Variants in CNTNAP4 observed in about 807,000 individuals in gnomAD.
CNTNAP4 encodes the protein contactin associated protein family member 4, also known as contactin-associated protein-like 4.
In CNTNAP4, 98 loss-of-function variants were observed where a neutral mutation model predicts 148.4. That is an observed-to-expected ratio of 0.66 (90% CI 0.56 to 0.78). The LOEUF is 0.78. Among genes scored for constraint, CNTNAP4 ranks in the 30% least tolerant of loss-of-function variants. The pLI is 0.00. For missense variants in CNTNAP4, 1,935 were observed against 1,565.6 expected (o/e 1.24, Z -3.98); for synonymous variants, 730 against 565.1 (o/e 1.29, Z -4.14).
At chr16:76,425,902 A>G (rs147404802) in intron 3 of CNTNAP4, among the ~76,000 whole-genome samples, 3 of 152,276 alleles carry the variant, frequency 2.0e-5, no homozygotes, top group African/African-American at 7.2e-5. Flanking sequence ...TTACCTCTAC[A>G]AGTGTTACTG....
chr16:76,286,285 C>G (rs558660926), intron 1 of CNTNAP4, among the ~76,000 whole-genome samples: 14 of 151,056 alleles, frequency 9.3e-5, no homozygotes, highest in Non-Finnish European at 1.5e-5. Context: ...AGCATTGCCC[C>G]TAGGTGGCAC....
chr16:76,542,062 T>C (rs11860222), intron 21 of CNTNAP4, among the ~76,000 whole-genome samples: 151,653 of 152,310 alleles, frequency 1, 75,500 homozygotes, highest in Middle Eastern at 1. Context: ...AGTCTTGTCC[T>C]CTGATGTATA....
At chr16:76,304,854 A>G (rs1960319958) in intron 1 of CNTNAP4, among the ~76,000 whole-genome samples, 1 of 152,174 alleles carries the variant, frequency 6.6e-6, no homozygotes, top group Non-Finnish European at 1.5e-5. Context: ...CTTAATCCCT[A>G]AAATCATTCA....
intron 4 of CNTNAP4, among the ~76,000 whole-genome samples, chr16:76,442,780 A>G (rs576628186): frequency 6.6e-6 from 1 of 152,222 alleles, no homozygotes; most frequent in African/African-American, 2.4e-5. Context: ...AACCCTTTCC[A>G]CTGGGCCACA....
rs199816633 is a variant in CNTNAP4, at chr16:76,535,873, C to CA, written c.2995+97dup. ...TTCTTTTCTATGCAGCTATTTGAAA[C>CA]AAAAAAAATTCAATTTCTGAATTGC... On this transcript the variant is annotated intron_variant, in intron 18 of 23. Transcript: ENST00000611870. 9.7e-4 allele frequency: 1,361 copies of CA among 1,408,796 alleles called. 7 individuals are homozygous for CA. In the African/African-American group the frequency reaches 0.017, roughly 18 times the overall value. The allele number at this position is 1,408,796 out of a possible 1,614,324, so 87.3% of individuals were successfully genotyped here.
chr16:76,439,235 A>T (rs1342993713), intron 4 of CNTNAP4, among the ~76,000 whole-genome samples: 10 of 152,166 alleles, frequency 6.6e-5, no homozygotes, highest in African/African-American at 2.4e-4. Context: ...CATGATGTAA[A>T]TTGTATCATA....
chr16:76,321,364 C>T (rs1344174187), intron 2 of CNTNAP4, among the ~76,000 whole-genome samples: 2 of 152,144 alleles, frequency 1.3e-5, no homozygotes, highest in African/African-American at 4.8e-5. Context: ...AACTATTATG[C>T]TTCATTAAAT....
rs2083529746 is a variant in CNTNAP4, at chr16:76,522,707, TTTTC to T, written c.2755+454_2755+457del. The stretch of plus-strand genomic sequence containing the variant: ...CTCTCCTTTCTTTTCTTTTCTTTTC[TTTTC>T]TTTTCTTTTCTTTTCTTTTCTTTTC... On this transcript the variant is annotated intron_variant, in intron 17 of 23. Transcript: ENST00000611870. Among the ~76,000 whole-genome samples, 2 of 30,650 alleles carry T rather than the reference TTTTC, an allele frequency of 6.5e-5. 1 individual carries two copies. The highest frequency in any genetic ancestry group is 1.2e-4 in the Non-Finnish European group (2 of 17,112). 20.1% of individuals were successfully genotyped at this position (30,650 alleles called of 152,430 possible).
intron 23 of CNTNAP4, 41 bp downstream of exon 23, chr16:76,553,948 A>G (rs748455181): frequency 2.5e-6 from 3 of 1,196,622 alleles, no homozygotes; most frequent in Non-Finnish European, 3.7e-6. Context: ...GGTTGTTCTT[A>G]TTAATAATGA....
At chr16:76,367,672 C>T (rs141165323) in intron 3 of CNTNAP4, among the ~76,000 whole-genome samples, 2 of 152,260 alleles carry the variant, frequency 1.3e-5, no homozygotes, top group African/African-American at 4.8e-5. Flanking sequence ...AATAGATGTT[C>T]AGCTATCATG....
chr16:76,375,030 A>G (rs1439791948), intron 3 of CNTNAP4, among the ~76,000 whole-genome samples: 2 of 152,082 alleles, frequency 1.3e-5, no homozygotes, highest in African/African-American at 2.4e-5. Context: ...TGGCCTCCCA[A>G]AATGCTGGGA....
intron 1 of CNTNAP4, chr16:76,309,845 C>T (rs372798746): frequency 2.1e-5 from 15 of 700,752 alleles, no homozygotes; most frequent in East Asian, 8.1e-5. Context: ...TCCGCTTTTG[C>T]TGCTTCCTCA....
intron 3 of CNTNAP4, among the ~76,000 whole-genome samples, chr16:76,418,310 A>G (rs1393402846): frequency 2.1e-5 from 3 of 141,638 alleles, no homozygotes; most frequent in Non-Finnish European, 4.7e-5. Context: ...TTTCTATTAC[A>G]GGTTTTTTTC....
intron 3 of CNTNAP4, among the ~76,000 whole-genome samples, chr16:76,392,227 C>G (rs1191341261): frequency 1.3e-5 from 2 of 152,202 alleles, no homozygotes; most frequent in Non-Finnish European, 2.9e-5. Context: ...CTCCTGACCT[C>G]AAGTGATCTG....
At chr16:76,553,670 C>CT (rs1185821091) in intron 22 of CNTNAP4, among the ~76,000 whole-genome samples, 166 bp from the exon 23 acceptor site, 1 of 152,174 alleles carries the variant, frequency 6.6e-6, no homozygotes, top group African/African-American at 2.4e-5. Context: ...TGCTCAACTT[C>CT]TTATTTATGG....
rs888298179 is a variant in CNTNAP4, at chr16:76,489,291, T to A, written c.1883-395T>A. Among the ~76,000 whole-genome samples, 7 of 152,236 alleles carry A rather than the reference T, an allele frequency of 4.6e-5. No homozygotes were observed. The East Asian group carries it at 1.3e-3, about 29-fold the overall frequency. ...GTTGATGAATAATGTTTTGTAGTTA[T>A]AATAGGCAGCATTTTTCCTTTCTTG... On this transcript the variant is annotated intron_variant, in intron 12 of 23. Transcript: ENST00000611870.
intron 3 of CNTNAP4, among the ~76,000 whole-genome samples, chr16:76,379,681 A>G (rs759950692): frequency 8.5e-5 from 13 of 152,174 alleles, no homozygotes; most frequent in African/African-American, 1.7e-4. Flanking sequence ...CTGTGACACT[A>G]TCTTTTGAGT....
chr16:76,551,937 G>A (rs1307310031), intron 21 of CNTNAP4, among the ~76,000 whole-genome samples: 2 of 152,172 alleles, frequency 1.3e-5, no homozygotes, highest in African/African-American at 2.4e-5. Context: ...GAGAATAGTT[G>A]TATTAGTCCG....
intron 3 of CNTNAP4, among the ~76,000 whole-genome samples, chr16:76,356,848 A>G (rs528761351): frequency 1.8e-3 from 279 of 150,918 alleles, no homozygotes; most frequent in African/African-American, 6.5e-3. Context: ...TGATTTACTC[A>G]CCTTTGTATG....
Sources: gnomAD v4.1 joint callset for allele counts (sites outside exome capture counted in the v4.1 genomes callset) on GRCh38, gnomAD v4.1.1 for gene constraint, MANE v1.5 for transcripts, NCBI Gene and HGNC (gene_info 2026-07-23, HGNC 2026-07-21) for gene names.